Variants in FHIT observed in about 807,000 individuals in gnomAD.
FHIT encodes fragile histidine triad diadenosine triphosphatase.
FHIT carries 19 observed loss-of-function variants against 17.9 expected under a neutral mutation model. The ratio of observed to expected loss-of-function variants is 1.06; its 90% CI spans 0.74 to 1.56. The LOEUF (loss-of-function observed/expected upper bound fraction) is 1.56, where lower values mean the gene tolerates loss of function less well. Among genes scored for constraint, FHIT ranks in the 40% most tolerant of loss-of-function variants. FHIT has a pLI of 0.00. For missense variants in FHIT, 248 were observed against 189.2 expected (o/e 1.31, Z -1.82); for synonymous variants, 81 against 69.7 (o/e 1.16, Z -0.81).
At chr3:60,179,685 G>T (rs977939035) in intron 5 of FHIT, among the ~76,000 whole-genome samples, 1 of 149,250 alleles carries the variant, frequency 6.7e-6, no homozygotes, top group Admixed American at 6.6e-5. Flanking sequence ...TTGTAAGTGT[G>T]TAAAAAAAAA....
At chr3:61,231,386 C>A (rs960991961) in intron 1 of FHIT, among the ~76,000 whole-genome samples, 3 of 151,542 alleles carry the variant, frequency 2.0e-5, no homozygotes, top group Admixed American at 1.3e-4. Context: ...TCCAGCTACT[C>A]GGGAGGCTGA....
At position 59,965,217 on chromosome 3, in the gene FHIT, G is replaced by A. The variant is rs537358580; in HGVS notation, c.280-42803C>T. On this transcript the variant is annotated intron_variant, in intron 7 of 9. Coordinates refer to ENST00000492590, the MANE Select transcript of FHIT (RefSeq NM_002012.4). ...TTCTAAATTTGTAGGGCTTTAAATT[G>A]TCTAGCAGAACACAGCTTGAAGTAT... 2.0e-5 allele frequency among the ~76,000 whole-genome samples: 3 copies of A among 152,200 alleles called. No homozygotes were observed. The South Asian group carries it at 6.2e-4, about 32-fold the overall frequency.
chr3:60,897,618 G>C (rs1263863999), intron 3 of FHIT, among the ~76,000 whole-genome samples: 1 of 152,098 alleles, frequency 6.6e-6, no homozygotes, highest in Non-Finnish European at 1.5e-5. Flanking sequence ...CTATACATGG[G>C]AATGTATGTA....
intron 5 of FHIT, among the ~76,000 whole-genome samples, chr3:60,437,226 G>A (rs2030351723): frequency 6.6e-6 from 1 of 152,126 alleles, no homozygotes; most frequent in Non-Finnish European, 1.5e-5. Flanking sequence ...ATGTGGGCAA[G>A]ACTGCTGGAG....
In FHIT at chr3:60,213,300, T is replaced by C. The variant is rs1703542046; in HGVS notation, c.104-199148A>G. Among the ~76,000 whole-genome samples the C allele has an allele frequency of 2.0e-5, 3 of 152,288 alleles. No individual in the cohort carries two copies. In the South Asian group the frequency reaches 6.2e-4, roughly 32 times the overall value. On this transcript the variant is annotated intron_variant, in intron 5 of 9. Coordinates refer to ENST00000492590, the MANE Select transcript of FHIT (RefSeq NM_002012.4). ...CTCTGATCAGCTTTTGGCCTCATAT[T>C]CTTCTTCCATGAGCAGACTCTGAAA... is the stretch of plus-strand genomic sequence containing the variant.
rs529090505 is a variant in FHIT, at chr3:60,646,033, G to A, written c.-17-109054C>T. ...CTAGCTATTGGTGACATTCCTGATAGTGCCCTAGATTTCTCAACTTTTGCA... is the reference window on the plus strand; with the variant it reads ...CTAGCTATTGGTGACATTCCTGATAATGCCCTAGATTTCTCAACTTTTGCA... On this transcript the variant is annotated intron_variant, in intron 4 of 9. Coordinates refer to ENST00000492590, the MANE Select transcript of FHIT (RefSeq NM_002012.4). 7.2e-5 allele frequency among the ~76,000 whole-genome samples: 11 copies of A among 152,306 alleles called. No homozygotes were observed. The South Asian group carries it at 8.3e-4, about 11-fold the overall frequency.
chr3:61,167,366 G>C (rs555905087), intron 2 of FHIT, among the ~76,000 whole-genome samples: 58 of 152,038 alleles, frequency 3.8e-4, no homozygotes, highest in Non-Finnish European at 7.4e-4. Flanking sequence ...GCTGGGTGCT[G>C]TGGCTCATGC....
At chr3:60,781,590 GACCTCTCTA>G (rs1444145780) in intron 4 of FHIT, among the ~76,000 whole-genome samples, 2 of 152,088 alleles carry the variant, frequency 1.3e-5, no homozygotes, top group Non-Finnish European at 2.9e-5. Flanking sequence ...ATAGTCACTT[GACCTCTCTA>G]GGTCCCAATC....
At position 60,220,297 on chromosome 3, in the gene FHIT, G is replaced by T. The variant is rs73832506; in HGVS notation, c.104-206145C>A. On this transcript the variant is annotated intron_variant, in intron 5 of 9. Coordinates refer to ENST00000492590, the MANE Select transcript of FHIT (RefSeq NM_002012.4). ...AAACTGGGTATAAATGCTCTGGCCTGAATATATTTCCTATCTACCTCCCTT... is the reference window on the plus strand; with the variant it reads ...AAACTGGGTATAAATGCTCTGGCCTTAATATATTTCCTATCTACCTCCCTT... 3.6e-3 allele frequency among the ~76,000 whole-genome samples: 550 copies of T among 152,064 alleles called. 5 individuals are homozygous for T. Among genetic ancestry groups the T allele is most frequent in the African/African-American group, 0.011 (466 of 41,476 alleles).
Position 60,808,786 on chromosome 3 carries a change from T to TC in FHIT, c.-18+13132dup, listed in dbSNP as rs1281965239. ...TAGTTGAGGATTTGGCTACTAGTTC[T>TC]CCCCCCTGATTTCTTAGAAGGTCAG... On this transcript the variant is annotated intron_variant, in intron 4 of 9. Coordinates refer to ENST00000492590, the MANE Select transcript of FHIT (RefSeq NM_002012.4). Among the ~76,000 whole-genome samples the TC allele has an allele frequency of 2.6e-5, 4 of 152,232 alleles. No homozygotes were observed. In the East Asian group the frequency reaches 7.7e-4, roughly 29 times the overall value.
chr3:60,491,361 A>T (rs2034057684), intron 5 of FHIT, among the ~76,000 whole-genome samples: 2 of 152,078 alleles, frequency 1.3e-5, no homozygotes, highest in Non-Finnish European at 2.9e-5. Context: ...TGACACAACC[A>T]ACCTTATAAT....
At chr3:59,929,045 A>C (rs1254727907) in intron 7 of FHIT, among the ~76,000 whole-genome samples, 1 of 150,504 alleles carries the variant, frequency 6.6e-6, no homozygotes, top group Non-Finnish European at 1.5e-5. Flanking sequence ...AAATGCTGGC[A>C]AGGAAGTGGA....
At chr3:60,347,760 C>G (rs1485640226) in intron 5 of FHIT, among the ~76,000 whole-genome samples, 2 of 146,610 alleles carry the variant, frequency 1.4e-5, no homozygotes, top group Admixed American at 1.4e-4. Context: ...GCATGCCTAT[C>G]TTTTCATTTT....
intron 3 of FHIT, among the ~76,000 whole-genome samples, chr3:60,846,252 A>G (rs1388473305): frequency 6.6e-6 from 1 of 152,218 alleles, no homozygotes; most frequent in African/African-American, 2.4e-5. Flanking sequence ...AATGTATTAT[A>G]TATTTGTAAA....
At chr3:60,435,529 G>A (rs2030143732) in intron 5 of FHIT, among the ~76,000 whole-genome samples, 1 of 152,012 alleles carries the variant, frequency 6.6e-6, no homozygotes, top group Non-Finnish European at 1.5e-5. Flanking sequence ...ACATTGGCGA[G>A]GAAGCTAAAA....
chr3:61,000,700 G>A lies in FHIT; in HGVS notation c.-111+41347C>T, dbSNP rs543587680. On this transcript the variant is annotated intron_variant, in intron 3 of 9. Coordinates refer to ENST00000492590, the MANE Select transcript of FHIT (RefSeq NM_002012.4). The stretch of plus-strand genomic sequence containing the variant: ...GAGGGACAACAACCTGGTGAGTTCC[G>A]TGGGGTTTCCTTTTTATTTCCAATA... Among the ~76,000 whole-genome samples the A allele has an allele frequency of 5.9e-5, 9 of 152,278 alleles. 1 individual carries two copies. In the South Asian group the frequency reaches 1.7e-3, roughly 28 times the overall value.
chr3:59,939,024 T>C (rs1406326973), intron 7 of FHIT, among the ~76,000 whole-genome samples: 1 of 152,116 alleles, frequency 6.6e-6, no homozygotes, highest in Non-Finnish European at 1.5e-5. Flanking sequence ...TCTGGTGGCT[T>C]TGAGGCACAA....
intron 4 of FHIT, among the ~76,000 whole-genome samples, chr3:60,811,649 C>T (rs1553736056): frequency 6.6e-6 from 1 of 152,122 alleles, no homozygotes; most frequent in East Asian, 1.9e-4. Context: ...CACCTGACTC[C>T]AGGCTAGGAC....
chr3:61,143,046 C>T (rs1250992007), intron 2 of FHIT, among the ~76,000 whole-genome samples: 3 of 152,000 alleles, frequency 2.0e-5, no homozygotes, highest in African/African-American at 7.3e-5. Context: ...TGGAATGTTA[C>T]CCTTCCCTTA....
Sources: allele counts gnomAD v4.1 joint callset (sites outside exome capture counted in the v4.1 genomes callset), GRCh38; gene constraint gnomAD v4.1.1; transcripts MANE v1.5; gene names NCBI Gene and HGNC (gene_info 2026-07-23, HGNC 2026-07-21).